Variants in DBF4 observed in about 807,000 individuals in gnomAD.
DBF4 encodes protein DBF4 homolog A.
Under a neutral mutation model 76.6 loss-of-function variants are expected in DBF4, and 25 were observed. That is an observed-to-expected ratio of 0.33 (90% CI 0.24 to 0.46). The LOEUF (loss-of-function observed/expected upper bound fraction) is 0.46, where lower values mean the gene tolerates loss of function less well. Ranked by LOEUF, DBF4 falls within the 20% of genes least tolerant of loss-of-function variation. The pLI is 1.00. For missense variants in DBF4, 638 were observed against 760.8 expected, an observed-to-expected ratio of 0.84 and a Z score of 1.90; for synonymous variants, 213 against 258.0, an observed-to-expected ratio of 0.83 and a Z score of 1.67.
chr7:87,900,913 G>A lies in DBF4; in HGVS notation c.924+35G>A, dbSNP rs199560047. On this transcript the variant is annotated intron_variant, in intron 10 of 11. Coordinates refer to ENST00000265728, the MANE Select transcript of DBF4 (RefSeq NM_006716.4). ...ATTTTATATTTTGGGGGCTTGTTTCGAAAACTGTAATACTTGTGTTTTAAA... is the reference window on the plus strand; with the variant it reads ...ATTTTATATTTTGGGGGCTTGTTTCAAAAACTGTAATACTTGTGTTTTAAA... 2.7e-4 allele frequency: 411 copies of A among 1,525,806 alleles called. 7 individuals carry two copies. The Admixed American group carries it at 6.0e-3, about 22-fold the overall frequency. 94.5% of individuals were successfully genotyped at this position (1,525,806 alleles called of 1,614,324 possible).
intron 2 of DBF4, 116 bp downstream of exon 2, chr7:87,878,341 A>AT: frequency 1.3e-6 from 1 of 779,226 alleles, no homozygotes; most frequent in Non-Finnish European, 2.0e-6. Context: ...CAAGCTTAAC[A>AT]TTTTTATCAG....
At chr7:87,882,487 G>A (rs1839240520) in intron 2 of DBF4, among the ~76,000 whole-genome samples, 1 of 152,170 alleles carries the variant, frequency 6.6e-6, no homozygotes, top group Non-Finnish European at 1.5e-5. Context: ...TCAGGATTAA[G>A]AACTTTTGTG....
At chr7:87,903,389 C>T (rs1275983617) in intron 10 of DBF4, among the ~76,000 whole-genome samples, 1 of 152,132 alleles carries the variant, frequency 6.6e-6, no homozygotes, top group Non-Finnish European at 1.5e-5. Flanking sequence ...GTTTTGACTG[C>T]TCTTAAGAAT....
At chr7:87,880,464 G>T (rs1839183490) in intron 2 of DBF4, among the ~76,000 whole-genome samples, 1 of 152,094 alleles carries the variant, frequency 6.6e-6, no homozygotes, top group African/African-American at 2.4e-5. Context: ...CCTAAAAAAT[G>T]TCTTATTTAT....
intron 10 of DBF4, among the ~76,000 whole-genome samples, chr7:87,902,319 AT>A (rs1006241620): frequency 1.6e-4 from 23 of 144,710 alleles, no homozygotes; most frequent in Admixed American, 8.8e-4. Flanking sequence ...GAGTAAAGAC[AT>A]TTTTTTTTTG....
chr7:87,897,208 G>C, intron 7 of DBF4, 86 bp from the exon 8 acceptor site: 7 of 1,284,452 alleles, frequency 5.4e-6, no homozygotes, highest in Non-Finnish European at 7.6e-6. Context: ...TTGTTTGGAG[G>C]GTTTTGTTTT....
intron 10 of DBF4, among the ~76,000 whole-genome samples, chr7:87,903,752 T>C (rs1839848377): frequency 6.9e-6 from 1 of 144,180 alleles, no homozygotes; most frequent in Admixed American, 7.5e-5. Flanking sequence ...TTGAGTACAG[T>C]GGTGCCATCT....
At chr7:87,895,374 A>G (rs1839608794) in intron 6 of DBF4, among the ~76,000 whole-genome samples, 1 of 152,166 alleles carries the variant, frequency 6.6e-6, no homozygotes, top group Non-Finnish European at 1.5e-5. Context: ...TCAAAAATTG[A>G]TAATGTTTTT....
intron 1 of DBF4, 117 bp from the exon 2 acceptor site, chr7:87,877,936 A>G: frequency 1.2e-6 from 1 of 849,590 alleles, no homozygotes; most frequent in Non-Finnish European, 1.8e-6. Context: ...TTTCAATGCT[A>G]ATAACTTAAA....
chr7:87,898,348 T>C (rs940852918), intron 8 of DBF4, among the ~76,000 whole-genome samples: 1 of 152,178 alleles, frequency 6.6e-6, no homozygotes, highest in African/African-American at 2.4e-5. Context: ...TATAATATTG[T>C]TAAGATGTTA....
chr7:87,885,666 A>T (rs1479476791), intron 3 of DBF4, among the ~76,000 whole-genome samples: 1 of 152,236 alleles, frequency 6.6e-6, no homozygotes, highest in African/African-American at 2.4e-5. Flanking sequence ...ATTGGAACAC[A>T]GCCATACCTG....
chr7:87,908,307 T>C lies in DBF4; in HGVS notation c.*144T>C. 2.3e-6 allele frequency: 2 copies of C among 859,850 alleles called. No homozygotes were observed. The highest frequency in any genetic ancestry group is 3.2e-6 in the Non-Finnish European group (2 of 626,836). 53.3% of individuals were successfully genotyped at this position (859,850 alleles called of 1,614,324 possible). Reference sequence around the variant, plus strand: ...ATATTAAAAATAAATATTTGCAATTTTCTACAGAATTGAATACCTGTTAAA... The same window carrying C: ...ATATTAAAAATAAATATTTGCAATTCTCTACAGAATTGAATACCTGTTAAA... On this transcript the variant is annotated 3_prime_UTR_variant, in exon 12 of 12. Transcript: ENST00000265728.
intron 10 of DBF4, among the ~76,000 whole-genome samples, chr7:87,901,979 T>TA (rs1839800969): frequency 6.6e-6 from 1 of 152,208 alleles, no homozygotes; most frequent in South Asian, 2.1e-4. Flanking sequence ...TGTTTTTATG[T>TA]AATAAACAAG....
At chr7:87,883,374 G>T (rs897194501) in intron 2 of DBF4, among the ~76,000 whole-genome samples, 1 of 152,072 alleles carries the variant, frequency 6.6e-6, no homozygotes, top group Non-Finnish European at 1.5e-5. Context: ...TAATGTGAGT[G>T]TACTTACTGC....
intron 1 of DBF4, 143 bp downstream of exon 1, chr7:87,876,921 C>T (rs1329919239): frequency 2.3e-6 from 2 of 879,824 alleles, no homozygotes; most frequent in Non-Finnish European, 1.8e-6. Context: ...AAGGAGCCCC[C>T]GTTCAGTGTT....
rs577926791 is a variant in DBF4 at position 87,881,802 on chromosome 7, G to C, written c.220-3177G>C. 3.0e-4 allele frequency among the ~76,000 whole-genome samples: 45 copies of C among 152,312 alleles called. 1 individual carries two copies. The South Asian group carries it at 9.1e-3, about 31-fold the overall frequency. Reference sequence around the variant, plus strand: ...GCTTTGACAGAAATATGTAGAAATTGCTATTAGAACACAGAGATAGGAATG... The same window carrying C: ...GCTTTGACAGAAATATGTAGAAATTCCTATTAGAACACAGAGATAGGAATG... On this transcript the variant is annotated intron_variant, in intron 2 of 11. Transcript: ENST00000265728.
chr7:87,879,862 A>T (rs1291157736), intron 2 of DBF4, among the ~76,000 whole-genome samples: 1 of 151,812 alleles, frequency 6.6e-6, no homozygotes, highest in East Asian at 1.9e-4. Flanking sequence ...CCGAGGCATG[A>T]GCATCACTTG....
At chr7:87,883,716 G>T (rs1301361578) in intron 2 of DBF4, among the ~76,000 whole-genome samples, 1 of 152,182 alleles carries the variant, frequency 6.6e-6, no homozygotes, top group Non-Finnish European at 1.5e-5. Context: ...ATGCTTAGAT[G>T]AAGTTAACTT....
At chr7:87,892,237 C>G (rs1197507452) in intron 6 of DBF4, among the ~76,000 whole-genome samples, 1 of 152,200 alleles carries the variant, frequency 6.6e-6, no homozygotes, top group African/African-American at 2.4e-5. Flanking sequence ...TAAAAATCTT[C>G]CGTGTTTATC....
Sources: allele counts gnomAD v4.1 joint callset (sites outside exome capture counted in the v4.1 genomes callset), GRCh38; gene constraint gnomAD v4.1.1; transcripts MANE v1.5; gene names NCBI Gene and HGNC (gene_info 2026-07-23, HGNC 2026-07-21).